Variants in PDZRN4 observed in about 807,000 individuals in gnomAD.
PDZRN4 encodes the protein PDZ domain-containing RING finger protein 4.
In PDZRN4, 70 loss-of-function variants were observed where a neutral mutation model predicts 99.0. The observed-to-expected ratio is 0.71, with a 90% CI of 0.58 to 0.86. The LOEUF is 0.86. Ranked by LOEUF, PDZRN4 falls within the 40% of genes least tolerant of loss-of-function variation. The pLI is 0.00. For missense variants in PDZRN4, 1,474 were observed against 1,331.2 expected, an observed-to-expected ratio of 1.11 and a Z score of -1.67; for synonymous variants, 551 against 501.6, an observed-to-expected ratio of 1.10 and a Z score of -1.32.
chr12:41,411,119 T>C (rs1211171432), intron 3 of PDZRN4, among the ~76,000 whole-genome samples: 3 of 151,632 alleles, frequency 2.0e-5, no homozygotes, highest in Admixed American at 6.6e-5. Flanking sequence ...CAGACTGGTC[T>C]CAAACTCCTG....
At chr12:41,210,343 T>C (rs1950880136) in intron 3 of PDZRN4, among the ~76,000 whole-genome samples, 1 of 152,102 alleles carries the variant, frequency 6.6e-6, no homozygotes, top group Admixed American at 6.6e-5. Flanking sequence ...CAGAAGCTCT[T>C]TAGTTTAATT....
intron 3 of PDZRN4, among the ~76,000 whole-genome samples, chr12:41,437,446 T>G (rs1022202076): frequency 3.3e-5 from 5 of 151,986 alleles, no homozygotes; most frequent in Admixed American, 3.3e-4. Flanking sequence ...TAAGTGTATG[T>G]TTTTTTTCAA....
intron 3 of PDZRN4, among the ~76,000 whole-genome samples, chr12:41,503,733 G>A (rs1474507506): frequency 6.6e-6 from 1 of 152,030 alleles, no homozygotes; most frequent in Non-Finnish European, 1.5e-5. Context: ...GCCTTGTCTT[G>A]GGGAAAAAAT....
intron 3 of PDZRN4, among the ~76,000 whole-genome samples, chr12:41,435,955 G>A (rs188729147): frequency 6.6e-6 from 1 of 152,322 alleles, no homozygotes. Flanking sequence ...TAGAGGCTTA[G>A]AGAAGTTAAA....
intron 3 of PDZRN4, among the ~76,000 whole-genome samples, chr12:41,400,235 C>T (rs928630183): frequency 5.9e-5 from 9 of 152,050 alleles, no homozygotes; most frequent in Non-Finnish European, 7.4e-5. Context: ...ACAGAAACCA[C>T]GGATGAATTT....
At chr12:41,220,456 T>C (rs1354878395) in intron 3 of PDZRN4, among the ~76,000 whole-genome samples, 1 of 152,020 alleles carries the variant, frequency 6.6e-6, no homozygotes, top group Non-Finnish European at 1.5e-5. Flanking sequence ...GGATTAAGGG[T>C]TTCAACATAC....
At chr12:41,248,651 T>C (rs1951149147) in intron 3 of PDZRN4, among the ~76,000 whole-genome samples, 1 of 152,164 alleles carries the variant, frequency 6.6e-6, no homozygotes, top group South Asian at 2.1e-4. Flanking sequence ...TGTGCAGTTT[T>C]TGACATATAT....
intron 5 of PDZRN4, among the ~76,000 whole-genome samples, chr12:41,521,555 A>T (rs1938493387): frequency 6.6e-6 from 1 of 152,126 alleles, no homozygotes; most frequent in South Asian, 2.1e-4. Context: ...AGTTAAAATG[A>T]AGAGAACTTT....
chr12:41,397,159 C>A (rs1952252949), intron 3 of PDZRN4, among the ~76,000 whole-genome samples: 1 of 152,084 alleles, frequency 6.6e-6, no homozygotes, highest in Non-Finnish European at 1.5e-5. Flanking sequence ...TTTCTAAATT[C>A]TTTAAATTCT....
At chr12:41,224,263 G>A (rs1950978069) in intron 3 of PDZRN4, among the ~76,000 whole-genome samples, 1 of 152,122 alleles carries the variant, frequency 6.6e-6, no homozygotes, top group African/African-American at 2.4e-5. Flanking sequence ...TTTACAAATG[G>A]GTAAACAATG....
chr12:41,573,722 C>A lies in PDZRN4; in HGVS notation c.2943C>A (p.Gly981=). ...AGAGCCCTCAGAGCGGCAGTGAGGG[C>A]AAGAAGGAGATCAATATCATTGAAC... ...LKESPQSGSE[G]KKEINIIELS... The change falls in exon 10 of 10, where the codon GGC becomes GGA. Residue 981 remains glycine, a synonymous_variant. Coordinates refer to ENST00000402685, the MANE Select transcript of PDZRN4 (RefSeq NM_001164595.2). The A allele has an allele frequency of 6.2e-7, 1 of 1,613,502 alleles. No homozygotes were observed. Among genetic ancestry groups the A allele is most frequent in the African/African-American group, 1.3e-5 (1 of 74,860 alleles).
intron 3 of PDZRN4, among the ~76,000 whole-genome samples, chr12:41,404,923 T>C (rs1298384353): frequency 6.6e-6 from 1 of 152,090 alleles, no homozygotes; most frequent in African/African-American, 2.4e-5. Context: ...GGCTAGTCAT[T>C]TGAAGAAGGA....
chr12:41,451,989 C>A (rs1304789953), intron 3 of PDZRN4, among the ~76,000 whole-genome samples: 6 of 152,016 alleles, frequency 3.9e-5, no homozygotes, highest in African/African-American at 1.5e-4. Flanking sequence ...ACAGAAAATT[C>A]TGAAAGAGGG....
Position 41,572,903 on chromosome 12 carries a change from G to A in PDZRN4, c.2124G>A (p.Arg708=), listed in dbSNP as rs1468160100. The A allele has an allele frequency of 1.9e-6, 3 of 1,614,084 alleles. No homozygotes were observed. Among genetic ancestry groups the A allele is most frequent in the African/African-American group, 1.3e-5 (1 of 75,020 alleles). ...DIWTLHDGGF[R]NYNTSIDMQR... is the part of the protein sequence containing the mutation. ...GGACATTGCATGATGGAGGATTCCG[G>A]AATTATAACACCAGCATAGATATGC... Residue 708 remains arginine (R), a synonymous_variant, in exon 10 of 10, where the codon CGG becomes CGA. Transcript: ENST00000402685.
At chr12:41,355,267 C>T in intron 3 of PDZRN4, among the ~76,000 whole-genome samples, 1 of 152,028 alleles carries the variant, frequency 6.6e-6, no homozygotes, top group East Asian at 1.9e-4. Context: ...TGCTACTTTC[C>T]TTAAAGGTCA....
chr12:41,290,335 A>G (rs1234704737), intron 3 of PDZRN4, among the ~76,000 whole-genome samples: 1 of 152,242 alleles, frequency 6.6e-6, no homozygotes, highest in African/African-American at 2.4e-5. Context: ...GATTCAAAAC[A>G]TCTTTTGTTT....
chr12:41,456,952 A>G (rs1307356567), intron 3 of PDZRN4, among the ~76,000 whole-genome samples: 1 of 152,196 alleles, frequency 6.6e-6, no homozygotes, highest in Non-Finnish European at 1.5e-5. Flanking sequence ...ATCATGCCTA[A>G]GTTTGCAGCC....
intron 5 of PDZRN4, among the ~76,000 whole-genome samples, chr12:41,540,710 A>G (rs1003716793): frequency 6.6e-6 from 1 of 152,186 alleles, no homozygotes; most frequent in Non-Finnish European, 1.5e-5. Flanking sequence ...CTTTTCTTTC[A>G]TTAATTTCTA....
chr12:41,231,294 A>G (rs1025533918), intron 3 of PDZRN4, among the ~76,000 whole-genome samples: 4 of 152,138 alleles, frequency 2.6e-5, no homozygotes, highest in Admixed American at 2.6e-4. Flanking sequence ...AGAGAAAAAT[A>G]TATGTATGTT....
Sources: gnomAD v4.1 joint callset for allele counts (sites outside exome capture counted in the v4.1 genomes callset) on GRCh38, gnomAD v4.1.1 for gene constraint, MANE v1.5 for transcripts, NCBI Gene and HGNC (gene_info 2026-07-23, HGNC 2026-07-21) for gene names.